The following MASP1 variants were observed in gnomAD, a reference collection of about 807,000 sequenced individuals.
The protein encoded by MASP1 is mannan-binding lectin serine protease 1.
A neutral mutation model predicts 77.1 loss-of-function variants in MASP1; 59 were observed. That is an observed-to-expected ratio of 0.77 (90% CI 0.62 to 0.95). The LOEUF is 0.95. Ranked by LOEUF, MASP1 falls within the 40% of genes least tolerant of loss-of-function variation. The pLI is 0.00. For missense variants in MASP1, 885 were observed against 912.9 expected, an observed-to-expected ratio of 0.97 and a Z score of 0.39; for synonymous variants, 362 against 354.5, an observed-to-expected ratio of 1.02 and a Z score of -0.24.
chr3:187,242,008 C>T, intron 9 of MASP1: 1 of 185,218 alleles, frequency 5.4e-6, no homozygotes. Context: ...AGGGCTGCTC[C>T]CCTCCCCACC....
At chr3:187,250,407 C>A in intron 7 of MASP1, 78 bp from the exon 8 acceptor site, 3 of 1,012,844 alleles carry the variant, frequency 3.0e-6, no homozygotes, top group Non-Finnish European at 4.7e-6. Context: ...GCAAAACCAA[C>A]TCAAGCTCCA....
intron 2 of MASP1, among the ~76,000 whole-genome samples, chr3:187,272,301 T>C (rs913334151): frequency 6.6e-6 from 1 of 152,244 alleles, no homozygotes; most frequent in Admixed American, 6.5e-5. Context: ...TTAGGTTTTC[T>C]GTTTCTTTAG....
intron 5 of MASP1, among the ~76,000 whole-genome samples, chr3:187,254,027 A>G (rs1714857698): frequency 6.6e-6 from 1 of 152,104 alleles, no homozygotes; most frequent in Non-Finnish European, 1.5e-5. Flanking sequence ...TCCTCTGCTT[A>G]AAGATGAACG....
intron 2 of MASP1, among the ~76,000 whole-genome samples, chr3:187,281,277 GCTCTT>G (rs1190343210): frequency 1.3e-5 from 2 of 152,214 alleles, no homozygotes; most frequent in Admixed American, 6.5e-5. Flanking sequence ...TGGGAGTCCT[GCTCTT>G]CTTCAGGCTA....
At chr3:187,282,437 C>T (rs1330296525) in intron 2 of MASP1, among the ~76,000 whole-genome samples, 2 of 149,216 alleles carry the variant, frequency 1.3e-5, no homozygotes, top group Non-Finnish European at 3.0e-5. Context: ...GTGGAGTTTG[C>T]ACTGAGCCGA....
At chr3:187,258,490 T>TA (rs1715288697) in intron 4 of MASP1, among the ~76,000 whole-genome samples, 1 of 152,224 alleles carries the variant, frequency 6.6e-6, no homozygotes, top group Non-Finnish European at 1.5e-5. Flanking sequence ...GCTCCTCCTA[T>TA]AACCTGTTGA....
chr3:187,233,830 G>T (rs1362566367), downstream of MASP1, among the ~76,000 whole-genome samples: 1 of 152,204 alleles, frequency 6.6e-6, no homozygotes, highest in African/African-American at 2.4e-5. Context: ...GGGCCTTCAG[G>T]CTCAAGTCCT....
At position 187,235,860 on chromosome 3, in the gene MASP1, A is replaced by G; in HGVS notation, c.2011T>C (p.Phe671Leu). Reference sequence around the variant, plus strand: ...ACCCAGCGCTGGCTCAAGTCATCAAAGATGACAAAGGCCCCACCGCTATCT... The same window carrying G: ...ACCCAGCGCTGGCTCAAGTCATCAAGGATGACAAAGGCCCCACCGCTATCT... ...LGDSGGAFVI[F>L]DDLSQRWVVQ... is the part of the protein sequence containing the mutation. Residue 671 changes from phenylalanine (F) to leucine (L), a missense_variant, in exon 11 of 11, where the codon TTT becomes CTT. Transcript: ENST00000296280. 1 of 1,614,148 alleles carries G rather than the reference A, an allele frequency of 6.2e-7. No individual in the cohort carries two copies. The highest frequency in any genetic ancestry group is 1.1e-5 in the South Asian group (1 of 91,078).
At chr3:187,291,320 A>C (rs1332341876) in intron 1 of MASP1, 1 of 495,512 alleles carries the variant, frequency 2.0e-6, no homozygotes, top group South Asian at 2.1e-5. Flanking sequence ...GGTGAACAGG[A>C]GGAGAGTCAC....
intron 4 of MASP1, among the ~76,000 whole-genome samples, chr3:187,258,726 G>A (rs376880137): frequency 1.3e-5 from 2 of 152,330 alleles, no homozygotes; most frequent in Non-Finnish European, 2.9e-5. Flanking sequence ...GTTTTGGCCA[G>A]TCACGGGTGG....
downstream of MASP1, among the ~76,000 whole-genome samples, chr3:187,230,293 G>A (rs888755808): frequency 3.3e-5 from 5 of 152,192 alleles, no homozygotes; most frequent in African/African-American, 1.2e-4. Context: ...TTAGCCATAA[G>A]CCCAGATCTG....
chr3:187,233,669 G>T (rs574536959), downstream of MASP1, among the ~76,000 whole-genome samples: 1 of 152,334 alleles, frequency 6.6e-6, no homozygotes, highest in African/African-American at 2.4e-5. Flanking sequence ...ATTCATAGCT[G>T]GTTTTGCTCT....
At chr3:187,237,711 A>G (rs978866179) in intron 10 of MASP1, among the ~76,000 whole-genome samples, 4 of 152,216 alleles carry the variant, frequency 2.6e-5, no homozygotes, top group Non-Finnish European at 1.5e-5. Context: ...CTGGCTAAGA[A>G]CATGCTTGCA....
At chr3:187,232,585 C>T (rs1271425091), downstream of MASP1, among the ~76,000 whole-genome samples, 1 of 152,092 alleles carries the variant, frequency 6.6e-6, no homozygotes, top group Non-Finnish European at 1.5e-5. Flanking sequence ...TGTTGCCTCC[C>T]TTTTCTTCAA....
At chr3:187,220,492 C>CT (rs747532550) in intron 15 of MASP1, among the ~76,000 whole-genome samples, 9,126 of 133,706 alleles carry the variant, frequency 0.068, 380 homozygotes, top group Non-Finnish European at 0.095. Flanking sequence ...TTTCTTTTTT[C>CT]TTTCTTTTTT....
At chr3:187,224,769 A>G (rs1394815630) in intron 13 of MASP1, among the ~76,000 whole-genome samples, 1 of 152,182 alleles carries the variant, frequency 6.6e-6, no homozygotes, top group Non-Finnish European at 1.5e-5. Context: ...TCCTGAAAAC[A>G]GGGGGCACTT....
intron 2 of MASP1, among the ~76,000 whole-genome samples, chr3:187,274,962 T>C (rs369676743): frequency 2.8e-3 from 353 of 127,184 alleles, no homozygotes; most frequent in African/African-American, 9.6e-3. Flanking sequence ...GGAGCTGGGC[T>C]TGGGGGGTGG....
intron 14 of MASP1, among the ~76,000 whole-genome samples, chr3:187,221,882 C>T (rs1244922581): frequency 6.6e-6 from 1 of 152,126 alleles, no homozygotes; most frequent in East Asian, 1.9e-4. Context: ...ACTATTATTG[C>T]CCTTGATCCA....
Position 187,247,328 on chromosome 3 carries a change from G to A in MASP1, c.1090+2923C>T, listed in dbSNP as rs781689739. On this transcript the variant is annotated intron_variant, in intron 8 of 10. Coordinates refer to ENST00000296280, the MANE Select transcript of MASP1 (RefSeq NM_139125.4). ...GGATGTCTGCATTGTGTGGGGTCCC[G>A]TCATTCACTCTGTCACTTGCTCTGA... The A allele has an allele frequency of 1.7e-5, 27 of 1,613,832 alleles. 1 individual carries two copies. The highest frequency in any genetic ancestry group is 1.6e-4 in the Middle Eastern group (1 of 6,084).
Sources: allele counts gnomAD v4.1 joint callset (sites outside exome capture counted in the v4.1 genomes callset), GRCh38; gene constraint gnomAD v4.1.1; transcripts MANE v1.5; gene names NCBI Gene and HGNC (gene_info 2026-07-23, HGNC 2026-07-21).